The following WWOX variants were observed in gnomAD, a reference collection of about 807,000 sequenced individuals.
WWOX encodes the protein WW domain containing oxidoreductase, also known as WW domain-containing oxidoreductase.
WWOX carries 69 observed loss-of-function variants against 46.2 expected under a neutral mutation model. That is an observed-to-expected ratio of 1.49 (90% confidence interval 1.23 to 1.82). The LOEUF is 1.82. Ranked by LOEUF, WWOX falls within the 40% of genes most tolerant of loss-of-function variation. The probability of loss-of-function intolerance (pLI) is 0.00; values close to 1 mark genes in which losing one functional copy is unlikely to be tolerated. For synonymous variants in WWOX, 359 were observed against 202.6 expected, an observed-to-expected ratio of 1.77 and a Z score of -6.56; for missense variants, 919 against 542.6, an observed-to-expected ratio of 1.69 and a Z score of -6.89.
At chr16:78,949,467 C>T (rs1330413952) in intron 8 of WWOX, among the ~76,000 whole-genome samples, 2 of 152,214 alleles carry the variant, frequency 1.3e-5, no homozygotes, top group Non-Finnish European at 2.9e-5. Flanking sequence ...TCCCGTGACA[C>T]TCAGCTCCCT....
chr16:78,691,828 A>C (rs895321763), intron 8 of WWOX, among the ~76,000 whole-genome samples: 1 of 152,204 alleles, frequency 6.6e-6, no homozygotes, highest in African/African-American at 2.4e-5. Flanking sequence ...GTCCCCACCC[A>C]AATCTCAACT....
chr16:78,594,520 C>T (rs936388410), intron 8 of WWOX, among the ~76,000 whole-genome samples: 2 of 142,872 alleles, frequency 1.4e-5, no homozygotes, highest in African/African-American at 2.5e-5. Context: ...CTGCTAGGTA[C>T]AAATCCCACA....
chr16:78,500,834 A>G (rs2085044281), intron 8 of WWOX, among the ~76,000 whole-genome samples: 1 of 152,192 alleles, frequency 6.6e-6, no homozygotes, highest in Non-Finnish European at 1.5e-5. Flanking sequence ...AGCATGTACA[A>G]CAGCGCCTGT....
At chr16:79,042,255 G>A (rs2047985552) in intron 8 of WWOX, among the ~76,000 whole-genome samples, 1 of 152,184 alleles carries the variant, frequency 6.6e-6, no homozygotes, top group East Asian at 1.9e-4. Flanking sequence ...CCTCCCAAAA[G>A]CTGAGGCTTC....
chr16:78,162,258 G>C (rs1246519344), intron 4 of WWOX, among the ~76,000 whole-genome samples: 1 of 151,896 alleles, frequency 6.6e-6, no homozygotes, highest in Non-Finnish European at 1.5e-5. Context: ...TTTTTTTTCA[G>C]CTGTGGCTTC....
chr16:78,996,083 G>C (rs1052737991), intron 8 of WWOX: 1 of 485,092 alleles, frequency 2.1e-6, no homozygotes, highest in Non-Finnish European at 2.7e-6. Flanking sequence ...AGTTATTTTG[G>C]CAAAATGAAA....
At chr16:78,947,193 A>G (rs765589169) in intron 8 of WWOX, among the ~76,000 whole-genome samples, 3 of 152,126 alleles carry the variant, frequency 2.0e-5, no homozygotes, top group East Asian at 1.9e-4. Context: ...CCCCATAACA[A>G]TGAAATAAAT....
chr16:78,527,362 C>G (rs1410111889), intron 8 of WWOX, among the ~76,000 whole-genome samples: 1 of 147,086 alleles, frequency 6.8e-6, no homozygotes, highest in Non-Finnish European at 1.5e-5. Flanking sequence ...GGTATGATCT[C>G]AGCTCACTGC....
In WWOX at chr16:78,801,182, T is replaced by G. The variant is rs572635168; in HGVS notation, c.1056+368430T>G. Among the ~76,000 whole-genome samples the G allele has an allele frequency of 3.9e-5, 6 of 152,120 alleles. No individual in the cohort carries two copies. The South Asian group carries it at 8.3e-4, about 21-fold the overall frequency. On this transcript the variant is annotated intron_variant, in intron 8 of 8. Transcript: ENST00000566780. ...TCAAGTGATACTCATCTCAAGTGGTTTCTACCTCATTAAAACAAACAAACA... is the reference window on the plus strand; with the variant it reads ...TCAAGTGATACTCATCTCAAGTGGTGTCTACCTCATTAAAACAAACAAACA...
chr16:78,849,342 G>C (rs543157636), intron 8 of WWOX, among the ~76,000 whole-genome samples: 4 of 151,694 alleles, frequency 2.6e-5, no homozygotes, highest in Admixed American at 6.6e-5. Context: ...AGGCCGAGGC[G>C]GGGGGGATCA....
chr16:79,044,686 A>G (rs1200842140), intron 8 of WWOX, among the ~76,000 whole-genome samples: 4 of 152,240 alleles, frequency 2.6e-5, no homozygotes, highest in African/African-American at 9.6e-5. Flanking sequence ...AATTCTTTAT[A>G]GCAATGCAAG....
intron 5 of WWOX, among the ~76,000 whole-genome samples, chr16:78,182,051 TG>T (rs2035547398): frequency 6.6e-6 from 1 of 152,202 alleles, no homozygotes; most frequent in African/African-American, 2.4e-5. Flanking sequence ...AAATGTGTTA[TG>T]GGGGCCTAAG....
rs1314921742 is a variant in WWOX at position 79,049,447 on chromosome 16, C to T, written c.1057-162161C>T. On this transcript the variant is annotated intron_variant, in intron 8 of 8. Coordinates refer to ENST00000566780, the MANE Select transcript of WWOX (RefSeq NM_016373.4). ...CTTGAGGGGCATCGATATTCTGGTA[C>T]AGCTGTCACCCATTTGCAGCACAGC... Among the ~76,000 whole-genome samples, 3 of 152,292 alleles carry T rather than the reference C, an allele frequency of 2.0e-5. No homozygotes were observed. The Middle Eastern group carries it at 0.01, about 518-fold the overall frequency.
chr16:78,733,161 C>T (rs1265496064), intron 8 of WWOX, among the ~76,000 whole-genome samples: 1 of 152,122 alleles, frequency 6.6e-6, no homozygotes, highest in African/African-American at 2.4e-5. Context: ...TTTTTATGCA[C>T]AGCTATTTAT....
chr16:78,756,875 C>T, intron 8 of WWOX: 2 of 702,288 alleles, frequency 2.8e-6, no homozygotes, highest in Non-Finnish European at 5.2e-6. Flanking sequence ...GAGCATGTGA[C>T]TTACGAGGCT....
intron 8 of WWOX, among the ~76,000 whole-genome samples, chr16:78,829,005 A>C (rs1365660103): frequency 6.6e-6 from 1 of 152,202 alleles, no homozygotes; most frequent in African/African-American, 2.4e-5. Flanking sequence ...AAACCCTTGG[A>C]CTTCTTCTCC....
intron 5 of WWOX, among the ~76,000 whole-genome samples, chr16:78,200,698 T>G (rs2036202783): frequency 6.6e-6 from 1 of 151,190 alleles, no homozygotes; most frequent in East Asian, 2.0e-4. Context: ...GTGTGGTGCC[T>G]TTGCCCAAGG....
At chr16:78,369,835 G>A (rs781557310) in intron 5 of WWOX, among the ~76,000 whole-genome samples, 3 of 151,968 alleles carry the variant, frequency 2.0e-5, no homozygotes, top group South Asian at 2.1e-4. Context: ...GCACAGTGCT[G>A]TAATGGAAAC....
At chr16:78,763,901 G>A (rs571602417) in intron 8 of WWOX, among the ~76,000 whole-genome samples, 1 of 152,248 alleles carries the variant, frequency 6.6e-6, no homozygotes, top group South Asian at 2.1e-4. Flanking sequence ...ACACCCCAAT[G>A]CCCCAAAACC....
Sources: gnomAD v4.1 joint callset for allele counts (sites outside exome capture counted in the v4.1 genomes callset) on GRCh38, gnomAD v4.1.1 for gene constraint, MANE v1.5 for transcripts, NCBI Gene and HGNC (gene_info 2026-07-23, HGNC 2026-07-21) for gene names.